KCNIP4: variants seen among roughly 807,000 people sequenced by gnomAD.
The protein encoded by KCNIP4 is Kv channel-interacting protein 4.
A neutral mutation model predicts 34.0 loss-of-function variants in KCNIP4; 12 were observed. That is an observed-to-expected ratio of 0.35 (90% CI 0.23 to 0.57). The LOEUF is 0.57. Ranked by LOEUF, KCNIP4 falls within the 20% of genes least tolerant of loss-of-function variation. The pLI, the probability that KCNIP4 is intolerant of heterozygous loss-of-function variation, is 0.83. For missense variants in KCNIP4, 238 were observed against 311.7 expected (o/e 0.76, Z 1.78); for synonymous variants, 124 against 102.2 (o/e 1.21, Z -1.29).
At chr4:21,355,336 C>A (rs968785713) in intron 1 of KCNIP4, among the ~76,000 whole-genome samples, 10 of 152,058 alleles carry the variant, frequency 6.6e-5, no homozygotes, top group African/African-American at 2.4e-4. Flanking sequence ...ACACAAAAAA[C>A]CCTTCAAAAC....
intron 1 of KCNIP4, among the ~76,000 whole-genome samples, chr4:21,917,400 G>C (rs1469906941): frequency 2.0e-5 from 3 of 152,150 alleles, no homozygotes; most frequent in Non-Finnish European, 2.9e-5. Flanking sequence ...CTCCCAAAGT[G>C]CTTGGATTAC....
intron 1 of KCNIP4, among the ~76,000 whole-genome samples, chr4:21,209,956 C>CA (rs1757112208): frequency 6.6e-6 from 1 of 152,092 alleles, no homozygotes; most frequent in South Asian, 2.1e-4. Context: ...TGTTCATGCT[C>CA]AAATGCTTAA....
chr4:21,258,767 C>T (rs899745368), intron 1 of KCNIP4, among the ~76,000 whole-genome samples: 1 of 151,986 alleles, frequency 6.6e-6, no homozygotes, highest in Non-Finnish European at 1.5e-5. Context: ...GCTTCCCTAC[C>T]CCTACTGGAA....
intron 1 of KCNIP4, among the ~76,000 whole-genome samples, chr4:21,728,765 T>TC (rs1326986134): frequency 6.6e-6 from 1 of 152,134 alleles, no homozygotes; most frequent in East Asian, 1.9e-4. Flanking sequence ...TTGAGGATCC[T>TC]CCCCTGGGGA....
intron 1 of KCNIP4, among the ~76,000 whole-genome samples, chr4:21,336,890 A>C (rs10516381): frequency 0.053 from 8,062 of 152,112 alleles, 411 homozygotes; most frequent in East Asian, 0.19. Flanking sequence ...TTAACAGCAC[A>C]CCTAAATATA....
intron 1 of KCNIP4, chr4:20,984,062 T>C (rs1736347414): frequency 1.4e-6 from 2 of 1,386,330 alleles, no homozygotes; most frequent in Non-Finnish European, 1.9e-6. Context: ...AGATGCACCC[T>C]GCAAAGCCGG....
Position 21,182,816 on chromosome 4 carries a change from C to T in KCNIP4, c.62-300107G>A, listed in dbSNP as rs186974333. Among the ~76,000 whole-genome samples the T allele has an allele frequency of 2.0e-5, 3 of 152,036 alleles. No homozygotes were observed. The East Asian group carries it at 5.8e-4, about 29-fold the overall frequency. ...AACATGATGTTTTGAAATACGTATG[C>T]ATCATGGAATGGTTCAAGAGAGATA... On this transcript the variant is annotated intron_variant, in intron 1 of 8. Transcript: ENST00000382152.
chr4:21,811,567 T>G (rs558453136), intron 1 of KCNIP4, among the ~76,000 whole-genome samples: 1 of 152,278 alleles, frequency 6.6e-6, no homozygotes, highest in East Asian at 1.9e-4. Flanking sequence ...CTTCCACTCA[T>G]GTTGTGATGG....
intron 1 of KCNIP4, among the ~76,000 whole-genome samples, chr4:21,842,624 T>C (rs1723754590): frequency 6.6e-6 from 1 of 152,134 alleles, no homozygotes; most frequent in Non-Finnish European, 1.5e-5. Context: ...TCTATGGAGA[T>C]ACTTTTGCTT....
At chr4:21,381,433 T>C (rs1315693082) in intron 1 of KCNIP4, among the ~76,000 whole-genome samples, 1 of 152,300 alleles carries the variant, frequency 6.6e-6, no homozygotes. Context: ...GTAGTATTTT[T>C]ACTCAACTTT....
At chr4:21,862,751 A>T (rs1725149430) in intron 1 of KCNIP4, among the ~76,000 whole-genome samples, 1 of 152,216 alleles carries the variant, frequency 6.6e-6, no homozygotes, top group South Asian at 2.1e-4. Flanking sequence ...AGGTGGGCAG[A>T]TCACGAGGTC....
intron 1 of KCNIP4, among the ~76,000 whole-genome samples, chr4:21,812,594 G>A (rs982565871): frequency 6.6e-6 from 1 of 152,188 alleles, no homozygotes; most frequent in Admixed American, 6.5e-5. Context: ...GCATGAAGCT[G>A]TAGTAAAATG....
chr4:20,797,936 C>G (rs902531073), intron 3 of KCNIP4, among the ~76,000 whole-genome samples: 4 of 152,198 alleles, frequency 2.6e-5, no homozygotes, highest in Non-Finnish European at 4.4e-5. Context: ...GTGTGCTGGA[C>G]TTGACCTACA....
intron 1 of KCNIP4, among the ~76,000 whole-genome samples, chr4:21,679,959 A>G (rs900784331): frequency 1.3e-5 from 2 of 152,222 alleles, no homozygotes; most frequent in Non-Finnish European, 2.9e-5. Context: ...ATGCTGACTG[A>G]TCAGGACGGT....
chr4:21,594,436 G>A (rs1742460837), intron 1 of KCNIP4, among the ~76,000 whole-genome samples: 1 of 152,088 alleles, frequency 6.6e-6, no homozygotes, highest in African/African-American at 2.4e-5. Context: ...TAACACTTTT[G>A]AGCAATTCTT....
intron 1 of KCNIP4, among the ~76,000 whole-genome samples, chr4:21,126,836 T>C (rs1750660552): frequency 6.6e-6 from 1 of 152,150 alleles, no homozygotes; most frequent in Non-Finnish European, 1.5e-5. Flanking sequence ...TGCTGAACAA[T>C]TCTTTCTAAT....
intron 1 of KCNIP4, among the ~76,000 whole-genome samples, chr4:21,799,275 G>A (rs112664385): frequency 3.1e-4 from 47 of 152,290 alleles, no homozygotes; most frequent in African/African-American, 1.1e-3. Context: ...GAGATTTAGA[G>A]AGGTGAACTT....
intron 1 of KCNIP4, among the ~76,000 whole-genome samples, chr4:21,432,091 C>CATACATAT (rs1726515322): frequency 2.7e-5 from 1 of 36,382 alleles, no homozygotes; most frequent in Non-Finnish European, 5.7e-5. Flanking sequence ...AAAATGGAAG[C>CATACATAT]ATATATATAT....
intron 1 of KCNIP4, among the ~76,000 whole-genome samples, chr4:21,258,716 T>C (rs1327934718): frequency 6.6e-6 from 1 of 152,150 alleles, no homozygotes; most frequent in African/African-American, 2.4e-5. Flanking sequence ...GACTGATTCT[T>C]GCCAATGTTA....
Sources: allele counts gnomAD v4.1 joint callset (sites outside exome capture counted in the v4.1 genomes callset), GRCh38; gene constraint gnomAD v4.1.1; transcripts MANE v1.5; gene names NCBI Gene and HGNC (gene_info 2026-07-23, HGNC 2026-07-21).